The following RPS6KA2 variants were observed in gnomAD, a reference collection of about 807,000 sequenced individuals.
RPS6KA2 encodes the protein ribosomal protein S6 kinase alpha-2.
RPS6KA2 carries 42 observed loss-of-function variants against 91.8 expected under a neutral mutation model. The observed-to-expected ratio is 0.46, with a 90% CI of 0.36 to 0.59. RPS6KA2 has a LOEUF of 0.59. Ranked by LOEUF, RPS6KA2 falls within the 20% of genes least tolerant of loss-of-function variation. The pLI, the probability that RPS6KA2 is intolerant of heterozygous loss-of-function variation, is 0.00. For synonymous variants in RPS6KA2, 414 were observed against 393.6 expected (o/e 1.05, Z -0.61); for missense variants, 798 against 978.5 (o/e 0.82, Z 2.46).
chr6:166,514,830 A>C (rs1293841754), intron 3 of RPS6KA2, among the ~76,000 whole-genome samples: 1 of 152,108 alleles, frequency 6.6e-6, no homozygotes, highest in Non-Finnish European at 1.5e-5. Context: ...AAAAGAAGGG[A>C]GCTGCATCAT....
At chr6:166,832,234 G>A (rs1056171755) in intron 2 of RPS6KA2, among the ~76,000 whole-genome samples, 3 of 152,190 alleles carry the variant, frequency 2.0e-5, no homozygotes, top group African/African-American at 7.2e-5. Context: ...GTTGGAATTT[G>A]CCTGGCCTGG....
chr6:166,697,899 G>A (rs79676290), intron 2 of RPS6KA2, among the ~76,000 whole-genome samples: 1,995 of 152,314 alleles, frequency 0.013, 44 homozygotes, highest in African/African-American at 0.046. Context: ...AATGAGGCAG[G>A]ATCTGGCACG....
At chr6:166,748,405 G>A (rs116402423) in intron 2 of RPS6KA2, among the ~76,000 whole-genome samples, 4,219 of 152,230 alleles carry the variant, frequency 0.028, 121 homozygotes, top group East Asian at 0.14. Context: ...GTGCCTCAGC[G>A]AAATGACTCC....
chr6:166,713,983 C>CA (rs1353746673), intron 2 of RPS6KA2, among the ~76,000 whole-genome samples: 6 of 152,230 alleles, frequency 3.9e-5, no homozygotes, highest in African/African-American at 1.4e-4. Flanking sequence ...TCAGCTTCCA[C>CA]AATGGCCTCC....
chr6:166,805,484 CA>C (rs1324485967), intron 2 of RPS6KA2, among the ~76,000 whole-genome samples: 2 of 152,126 alleles, frequency 1.3e-5, no homozygotes, highest in African/African-American at 4.8e-5. Context: ...TGAAGACCAG[CA>C]TATTAAGAAG....
intron 2 of RPS6KA2, among the ~76,000 whole-genome samples, chr6:166,854,650 T>C (rs1047879062): frequency 1.3e-5 from 2 of 152,244 alleles, no homozygotes; most frequent in African/African-American, 4.8e-5. Context: ...ATGAAACGTT[T>C]ATCAGTTTAG....
chr6:166,421,581 AC>A (rs1168901062), intron 17 of RPS6KA2, among the ~76,000 whole-genome samples: 1 of 151,892 alleles, frequency 6.6e-6, no homozygotes, highest in Non-Finnish European at 1.5e-5. Flanking sequence ...GCCCCTGGAG[AC>A]CCTAACCCTC....
chr6:166,433,472 G>A lies in RPS6KA2; in HGVS notation c.1333-982C>T, dbSNP rs1483841727. ...GAGGTGCCTAAGTCCCGCCCTTGCCGCCCCTGCTGTGGGGACGGGACCAGT... is the reference window on the plus strand; with the variant it reads ...GAGGTGCCTAAGTCCCGCCCTTGCCACCCCTGCTGTGGGGACGGGACCAGT... On this transcript the variant is annotated intron_variant, in intron 14 of 20. Transcript: ENST00000265678. The surrounding 1 kb of genome is among the most constrained non-coding windows in gnomAD (Gnocchi z 4.4). 2.0e-5 allele frequency among the ~76,000 whole-genome samples: 3 copies of A among 152,182 alleles called. No individual in the cohort carries two copies. Among genetic ancestry groups the A allele is most frequent in the Non-Finnish European group, 2.9e-5 (2 of 68,034 alleles).
At chr6:166,452,884 T>G (rs1420653342) in intron 12 of RPS6KA2, among the ~76,000 whole-genome samples, 11 of 152,140 alleles carry the variant, frequency 7.2e-5, no homozygotes, top group Admixed American at 6.5e-5. Flanking sequence ...CTTTAGGACA[T>G]GGGTCTAGCG....
At chr6:166,753,154 G>A (rs1473435782) in intron 2 of RPS6KA2, among the ~76,000 whole-genome samples, 3 of 152,206 alleles carry the variant, frequency 2.0e-5, no homozygotes, top group African/African-American at 7.2e-5. Context: ...TAAGCCAGAT[G>A]TAGGGCTCCA....
chr6:166,489,690 T>C (rs1161116570), intron 9 of RPS6KA2, among the ~76,000 whole-genome samples: 1 of 152,162 alleles, frequency 6.6e-6, no homozygotes, highest in Non-Finnish European at 1.5e-5. Flanking sequence ...TCAAGGTCCC[T>C]TGATGGAGGA....
At chr6:166,550,493 C>T (rs1359342041) in intron 1 of RPS6KA2, among the ~76,000 whole-genome samples, 5 of 152,078 alleles carry the variant, frequency 3.3e-5, no homozygotes, top group African/African-American at 1.2e-4. Context: ...ATTTTTTATA[C>T]TCAACACACA....
At chr6:166,862,002 A>T in intron 1 of RPS6KA2, 1 of 1,426,110 alleles carries the variant, frequency 7.0e-7, no homozygotes, top group Non-Finnish European at 9.8e-7. Flanking sequence ...GACCCATCAT[A>T]GTCACCTAAT....
chr6:166,822,308 C>T (rs999478634), intron 2 of RPS6KA2, among the ~76,000 whole-genome samples: 1 of 152,174 alleles, frequency 6.6e-6, no homozygotes, highest in Admixed American at 6.5e-5. Context: ...TAAGATGAGG[C>T]CACAAGGGGA....
intron 8 of RPS6KA2, among the ~76,000 whole-genome samples, chr6:166,491,018 G>A (rs967876464): frequency 3.3e-5 from 5 of 152,220 alleles, no homozygotes; most frequent in African/African-American, 1.2e-4. Flanking sequence ...ACAGAGAAAA[G>A]AGGCAGAGCA....
chr6:166,424,174 T>C (rs1349727295), intron 16 of RPS6KA2, among the ~76,000 whole-genome samples: 1 of 152,160 alleles, frequency 6.6e-6, no homozygotes, highest in Non-Finnish European at 1.5e-5. Flanking sequence ...ACTCCAGCAG[T>C]CAGGCCTGGT....
exon 1 of RPS6KA2, chr6:166,862,551 T>G (rs1438265930): frequency 3.5e-6 from 1 of 289,662 alleles, no homozygotes; most frequent in Non-Finnish European, 6.5e-6. Flanking sequence ...AGCTTCGAAT[T>G]GAATTTCCTG....
intron 10 of RPS6KA2, among the ~76,000 whole-genome samples, chr6:166,480,452 A>T (rs1480743046): frequency 1.4e-5 from 2 of 141,012 alleles, no homozygotes; most frequent in East Asian, 4.0e-4. Context: ...GACAAGCAAG[A>T]ATCTTATATT....
At chr6:166,429,367 G>T (rs1421989242) in intron 16 of RPS6KA2, among the ~76,000 whole-genome samples, 2 of 151,628 alleles carry the variant, frequency 1.3e-5, no homozygotes, top group Non-Finnish European at 2.9e-5. Flanking sequence ...CAGCACACCA[G>T]CATGGCACAT....
Sources: allele counts gnomAD v4.1 joint callset (sites outside exome capture counted in the v4.1 genomes callset), GRCh38; gene constraint gnomAD v4.1.1; non-coding constraint Gnocchi (gnomAD v3.1); transcripts MANE v1.5; gene names NCBI Gene and HGNC (gene_info 2026-07-23, HGNC 2026-07-21).